Variants in ZNF207 observed in about 807,000 individuals in gnomAD.
The protein encoded by ZNF207 is BUB3-interacting and GLEBS motif-containing protein ZNF207.
In ZNF207, 24 loss-of-function variants were observed where a neutral mutation model predicts 60.2. The observed-to-expected ratio is 0.40, with a 90% CI of 0.29 to 0.56. The LOEUF is 0.56. ZNF207 is among the 20% of genes least tolerant of loss of function. ZNF207 has a pLI of 0.49. For missense variants in ZNF207, 452 were observed against 636.6 expected, an observed-to-expected ratio of 0.71 and a Z score of 3.12; for synonymous variants, 236 against 194.7, an observed-to-expected ratio of 1.21 and a Z score of -1.77.
At position 32,376,167 on chromosome 17, in the gene ZNF207, C is replaced by A. The variant is rs1475964483; in HGVS notation, c.*6408C>A. ...AGCTCTTAGGCACCCTATTATGGAT[C>A]TAATTCAAACCAATATGTAGGAAAT... On this transcript the variant is annotated 3_prime_UTR_variant, in exon 12 of 12. Transcript: ENST00000394670. 1 of 151,986 alleles carries A rather than the reference C, an allele frequency of 6.6e-6. No individual in the cohort carries two copies. Among genetic ancestry groups the A allele is most frequent in the East Asian group, 1.9e-4 (1 of 5,198 alleles). 9.4% of individuals were successfully genotyped at this position (151,986 alleles called of 1,614,324 possible).
At position 32,367,838 on chromosome 17, in the gene ZNF207, A is replaced by G. The variant is rs1248036684; in HGVS notation, c.988A>G (p.Thr330Ala). 2 of 1,614,212 alleles carry G rather than the reference A, an allele frequency of 1.2e-6. No individual in the cohort carries two copies. Among genetic ancestry groups the G allele is most frequent in the South Asian group, 1.1e-5 (1 of 91,092 alleles). ...ACCCTTAAATAGTACCCCTGCAACA[A>G]CTACAGAACCCCCAAAGCCTACATT... ...FKPLNSTPAT[T>A]TEPPKPTFPA... is the part of the protein sequence containing the mutation. Residue 330 changes from threonine to alanine, a missense_variant, in exon 10 of 12, where the codon ACT (threonine) becomes GCT (alanine). Transcript: ENST00000394670.
chr17:32,357,150 C>T (rs934591051), intron 2 of ZNF207, among the ~76,000 whole-genome samples: 7 of 150,150 alleles, frequency 4.7e-5, no homozygotes, highest in African/African-American at 1.7e-4. Flanking sequence ...GCACTGTACT[C>T]CTGCTTGGGT....
chr17:32,362,958 C>A lies in ZNF207; in HGVS notation c.644C>A (p.Pro215Gln). 2.5e-6 allele frequency: 4 copies of A among 1,613,152 alleles called. No individual in the cohort carries two copies. Among genetic ancestry groups the A allele is most frequent in the Non-Finnish European group, 3.4e-6 (4 of 1,179,898 alleles). Residue 215 changes from proline (P) to glutamine (Q), a missense_variant, in exon 7 of 12, where the codon CCA becomes CAA. Coordinates refer to ENST00000394670, the MANE Select transcript of ZNF207 (RefSeq NM_001098507.2). The part of the protein sequence containing the change: ...GGMMPPGPGI[P>Q]PLMPGMPPGM... The stretch of plus-strand genomic sequence containing the variant: ...ATGATGCCACCTGGACCAGGAATAC[C>A]ACCTCTGATGCCTGGAATGCCACCA...
chr17:32,365,643 A>G (rs1259670223), intron 8 of ZNF207, 156 bp downstream of exon 8: 3 of 559,140 alleles, frequency 5.4e-6, no homozygotes, highest in Non-Finnish European at 5.1e-6. Context: ...ATCCACTTCC[A>G]TGTTTACACA....
chr17:32,361,058 AT>A, intron 5 of ZNF207, 91 bp downstream of exon 5: 4 of 1,400,772 alleles, frequency 2.9e-6, no homozygotes, highest in Non-Finnish European at 4.0e-6. Flanking sequence ...GTTACTTTCC[AT>A]TTTTTGCTTC....
chr17:32,360,176 AC>A (rs34129815), intron 3 of ZNF207, among the ~76,000 whole-genome samples: 127 of 59,000 alleles, frequency 2.2e-3, no homozygotes, highest in South Asian at 9.9e-3. Context: ...CCTCACCTTT[AC>A]CCCCCCCCCA....
intron 7 of ZNF207, among the ~76,000 whole-genome samples, chr17:32,364,898 T>TA (rs2150799114): frequency 6.6e-6 from 1 of 152,342 alleles, no homozygotes; most frequent in African/African-American, 2.4e-5. Flanking sequence ...TGAGGAAGTT[T>TA]AAAGTATGTA....
At chr17:32,368,740 C>G (rs370047293) in intron 10 of ZNF207, 2 of 152,572 alleles carry the variant, frequency 1.3e-5, no homozygotes, top group African/African-American at 4.9e-5. Context: ...CGCAGTGGCT[C>G]ACACCGGTAA....
Position 32,365,511 on chromosome 17 carries a change from A to G in ZNF207, c.828+24A>G, listed in dbSNP as rs752460596. On this transcript the variant is annotated intron_variant, in intron 8 of 11. Coordinates refer to ENST00000394670, the MANE Select transcript of ZNF207 (RefSeq NM_001098507.2). ...AGGTAAGGTGAAAATCCTGAAAAGG[A>G]GTGCACTTATATTTAAAGATAAAGT... 5 of 1,611,000 alleles carry G rather than the reference A, an allele frequency of 3.1e-6. No homozygotes were observed. The Admixed American group carries it at 6.7e-5, about 22-fold the overall frequency.
chr17:32,374,998 C>G lies in ZNF207; in HGVS notation c.*5239C>G, dbSNP rs1336387482. 1 of 152,178 alleles carries G rather than the reference C, an allele frequency of 6.6e-6. No homozygotes were observed. The highest frequency in any genetic ancestry group is 1.5e-5 in the Non-Finnish European group (1 of 68,026). The allele number at this position is 152,178 out of a possible 1,614,324, so 9.4% of individuals were successfully genotyped here. A position where few individuals can be genotyped will look rare whatever the true frequency, so the allele number is the denominator to read the frequency against. On this transcript the variant is annotated 3_prime_UTR_variant, in exon 12 of 12. Transcript: ENST00000394670. ...AGGGAATTGGAAGAGAGGCCAAAAA[C>G]AAACCTGAATTACTTTTGTTTCTTG... is the stretch of plus-strand genomic sequence containing the variant.
At chr17:32,368,312 T>C (rs1271741234) in intron 10 of ZNF207, 1 of 367,682 alleles carries the variant, frequency 2.7e-6, no homozygotes, top group African/African-American at 2.1e-5. Context: ...TAAGTTTGCA[T>C]ATGTTAATTG....
chr17:32,374,224 T>TG lies in ZNF207; in HGVS notation c.*4465_*4466insG, dbSNP rs1354949279. ...CAAAATCTGCATTCTTTTTTTTTTT[T>TG]TTTTTTTTTTTTTGAGACTGTCTCG... On this transcript the variant is annotated 3_prime_UTR_variant, in exon 12 of 12. Transcript: ENST00000394670. 7.3e-6 allele frequency: 1 copy of TG among 136,350 alleles called. No homozygotes were observed. The highest frequency in any genetic ancestry group is 2.8e-5 in the African/African-American group (1 of 35,450). 8.4% of individuals were successfully genotyped at this position (136,350 alleles called of 1,614,324 possible).
intron 2 of ZNF207, among the ~76,000 whole-genome samples, chr17:32,357,291 C>T (rs1279140032): frequency 6.8e-6 from 1 of 147,824 alleles, no homozygotes; most frequent in African/African-American, 2.5e-5. Context: ...AAGATCTATA[C>T]TTAGAAAATT....
intron 9 of ZNF207, among the ~76,000 whole-genome samples, 182 bp downstream of exon 9, chr17:32,366,939 C>T (rs1905188273): frequency 1.3e-5 from 2 of 151,820 alleles, no homozygotes; most frequent in South Asian, 4.1e-4. Flanking sequence ...AAAACTACCC[C>T]GAACTCCTGT....
At chr17:32,365,190 C>A in intron 7 of ZNF207, 140 bp from the exon 8 acceptor site, 2 of 879,960 alleles carry the variant, frequency 2.3e-6, no homozygotes, top group South Asian at 2.0e-5. Context: ...AAGAATGTTG[C>A]ATGGGGCAAA....
chr17:32,379,836 T>G lies in ZNF207; in HGVS notation c.*10077T>G, dbSNP rs1158783004. On this transcript the variant is annotated 3_prime_UTR_variant, in exon 12 of 12. Transcript: ENST00000394670. ...ATTAGCTTCTGAGTAAATTTCTAAT[T>G]TATGCCCTGCTTTATTTAGCCTCGC... The G allele has an allele frequency of 6.6e-6, 1 of 152,188 alleles. No homozygotes were observed. The highest frequency in any genetic ancestry group is 2.4e-5 in the African/African-American group (1 of 41,460). 9.4% of individuals were successfully genotyped at this position (152,188 alleles called of 1,614,324 possible). A position where few individuals can be genotyped will look rare whatever the true frequency, so the allele number is the denominator to read the frequency against.
chr17:32,358,361 C>G, intron 2 of ZNF207, 142 bp from the exon 3 acceptor site: 1 of 606,166 alleles, frequency 1.6e-6, no homozygotes, highest in Non-Finnish European at 2.6e-6. Context: ...CTTAATGTCA[C>G]AGAGCTAGTG....
At chr17:32,354,163 A>G (rs530008975) in intron 2 of ZNF207, among the ~76,000 whole-genome samples, 2 of 152,146 alleles carry the variant, frequency 1.3e-5, no homozygotes, top group African/African-American at 4.8e-5. Flanking sequence ...TTATTTTTGT[A>G]GAGACAGGGT....
rs975013959 is a variant in ZNF207 at position 32,375,492 on chromosome 17, A to G, written c.*5733A>G. 6 of 152,138 alleles carry G rather than the reference A, an allele frequency of 3.9e-5. No individual in the cohort carries two copies. Among genetic ancestry groups the G allele is most frequent in the Non-Finnish European group, 7.4e-5 (5 of 67,990 alleles). 9.4% of individuals were successfully genotyped at this position (152,138 alleles called of 1,614,324 possible). A position where few individuals can be genotyped will look rare whatever the true frequency, so the allele number is the denominator to read the frequency against. On this transcript the variant is annotated 3_prime_UTR_variant, in exon 12 of 12. Transcript: ENST00000394670. ...TCATAATCTGTTGAAGGTAATATCT[A>G]TAGATAACTAAGATAGTTCCTTTTT...
Sources: gnomAD v4.1 joint callset for allele counts (sites outside exome capture counted in the v4.1 genomes callset) on GRCh38, gnomAD v4.1.1 for gene constraint, MANE v1.5 for transcripts, NCBI Gene and HGNC (gene_info 2026-07-23, HGNC 2026-07-21) for gene names.